Variants in TMEM132D observed in about 807,000 individuals in gnomAD.
TMEM132D encodes transmembrane protein 132D, also known as mature OL transmembrane protein.
In TMEM132D, 21 loss-of-function variants were observed where a neutral mutation model predicts 62.3. The ratio of observed to expected loss-of-function variants is 0.34; its 90% CI spans 0.24 to 0.49. The LOEUF (loss-of-function observed/expected upper bound fraction) is 0.49, where lower values mean the gene tolerates loss of function less well. Ranked by LOEUF, TMEM132D falls within the 20% of genes least tolerant of loss-of-function variation. TMEM132D has a pLI of 0.99. For missense variants in TMEM132D, 1,346 were observed against 1,402.8 expected, an observed-to-expected ratio of 0.96 and a Z score of 0.65; for synonymous variants, 621 against 575.6, an observed-to-expected ratio of 1.08 and a Z score of -1.13.
At chr12:129,412,777 C>T (rs1872005854) in intron 3 of TMEM132D, among the ~76,000 whole-genome samples, 1 of 152,130 alleles carries the variant, frequency 6.6e-6, no homozygotes. Flanking sequence ...CACTTGAACC[C>T]TGGAGGCAGA....
At chr12:129,268,978 A>G (rs988778028) in intron 4 of TMEM132D, among the ~76,000 whole-genome samples, 6 of 132,712 alleles carry the variant, frequency 4.5e-5, no homozygotes, top group African/African-American at 1.7e-4. Context: ...GTGAGAACAC[A>G]TGGACATAGG....
chr12:129,360,873 T>C (rs149832754), intron 3 of TMEM132D, among the ~76,000 whole-genome samples: 67 of 152,322 alleles, frequency 4.4e-4, no homozygotes, highest in African/African-American at 1.6e-3. Context: ...AGGTGGCTTG[T>C]TGAGCCTGTG....
chr12:129,760,382 A>C (rs1870322226), intron 1 of TMEM132D, among the ~76,000 whole-genome samples: 1 of 134,756 alleles, frequency 7.4e-6, no homozygotes, highest in Non-Finnish European at 1.5e-5. Context: ...CCCAGGCTAG[A>C]GTGCAGTGGC....
chr12:129,346,206 A>T (rs1220753853), intron 3 of TMEM132D, among the ~76,000 whole-genome samples: 2 of 151,706 alleles, frequency 1.3e-5, no homozygotes, highest in Non-Finnish European at 2.9e-5. Flanking sequence ...TTTCTTCTAG[A>T]TTTTCTAGTT....
intron 1 of TMEM132D, among the ~76,000 whole-genome samples, chr12:129,719,657 C>A (rs981141039): frequency 4.6e-5 from 7 of 152,212 alleles, no homozygotes; most frequent in Non-Finnish European, 1.0e-4. Flanking sequence ...GTAGCTGAGA[C>A]ACTTTGAAAA....
chr12:129,333,157 T>A (rs1037068242), intron 4 of TMEM132D, among the ~76,000 whole-genome samples: 5 of 152,168 alleles, frequency 3.3e-5, no homozygotes, highest in Admixed American at 6.5e-5. Flanking sequence ...TAAAACAACA[T>A]TGAGATATAA....
At chr12:129,793,010 C>T (rs2137299974) in intron 1 of TMEM132D, among the ~76,000 whole-genome samples, 1 of 152,040 alleles carries the variant, frequency 6.6e-6, no homozygotes, top group African/African-American at 2.4e-5. Context: ...CACATACATG[C>T]TGATGACTAT....
intron 2 of TMEM132D, among the ~76,000 whole-genome samples, chr12:129,644,236 CTG>C (rs1247553130): frequency 6.6e-6 from 1 of 152,214 alleles, no homozygotes; most frequent in Non-Finnish European, 1.5e-5. Context: ...ATTCCTGAGG[CTG>C]TGTCACGGGC....
chr12:129,240,952 C>T (rs1879920628), intron 4 of TMEM132D, among the ~76,000 whole-genome samples: 1 of 152,110 alleles, frequency 6.6e-6, no homozygotes, highest in Non-Finnish European at 1.5e-5. Context: ...CCAGTTTAGT[C>T]CAAACCTTTC....
chr12:129,418,734 A>T (rs1304179075), intron 3 of TMEM132D, among the ~76,000 whole-genome samples: 1 of 128,360 alleles, frequency 7.8e-6, no homozygotes. Flanking sequence ...TAATAATAAT[A>T]ATTAATAATA....
At chr12:129,366,438 G>T (rs546804076) in intron 3 of TMEM132D, among the ~76,000 whole-genome samples, 1 of 152,106 alleles carries the variant, frequency 6.6e-6, no homozygotes, top group East Asian at 1.9e-4. Context: ...CATGTGACAC[G>T]CCTGCTTCCC....
At chr12:129,133,193 T>A (rs1876431907) in intron 5 of TMEM132D, among the ~76,000 whole-genome samples, 1 of 149,716 alleles carries the variant, frequency 6.7e-6, no homozygotes, top group Non-Finnish European at 1.5e-5. Context: ...TAAGAACACC[T>A]AACATGAGAT....
chr12:129,178,433 G>GTTTTT (rs60615317), intron 5 of TMEM132D, among the ~76,000 whole-genome samples: 134 of 140,962 alleles, frequency 9.5e-4, no homozygotes, highest in African/African-American at 3.5e-3. Flanking sequence ...ACCAGCATCT[G>GTTTTT]TTTTTTTTTT....
intron 4 of TMEM132D, among the ~76,000 whole-genome samples, chr12:129,278,559 T>C (rs1177568122): frequency 6.6e-6 from 1 of 152,162 alleles, no homozygotes; most frequent in Non-Finnish European, 1.5e-5. Context: ...CTTGACTGTC[T>C]AGGGCCAAGA....
At chr12:129,854,624 C>G (rs561675120) in intron 1 of TMEM132D, 1 of 152,258 alleles carries the variant, frequency 6.6e-6, no homozygotes, top group African/African-American at 2.4e-5. Context: ...AAACTCTTTT[C>G]TCCCCACTGT....
At chr12:129,674,830 C>T (rs960100399) in intron 2 of TMEM132D, among the ~76,000 whole-genome samples, 5 of 152,148 alleles carry the variant, frequency 3.3e-5, no homozygotes, top group South Asian at 2.1e-4. Context: ...TGAGCCACCA[C>T]GCCTGGCTCG....
rs78839689 is a variant in TMEM132D, at chr12:129,363,059, G to C, written c.1116-25242C>G. ...TTCATACACTCCTTCCTCCATCTTT[G>C]TTTATTGTGTTAGTATTTTTAGAGA... is the stretch of plus-strand genomic sequence containing the variant. On this transcript the variant is annotated intron_variant, in intron 3 of 8. Transcript: ENST00000422113. Among the ~76,000 whole-genome samples the C allele has an allele frequency of 7.9e-3, 1,209 of 152,212 alleles. 21 individuals are homozygous for C. Among genetic ancestry groups the C allele is most frequent in the African/African-American group, 0.028 (1,149 of 41,526 alleles).
chr12:129,524,158 C>A (rs1156472457), intron 3 of TMEM132D, among the ~76,000 whole-genome samples: 3 of 151,622 alleles, frequency 2.0e-5, no homozygotes, highest in African/African-American at 4.9e-5. Context: ...GTGCAGCACA[C>A]CAGCATGGCC....
intron 2 of TMEM132D, among the ~76,000 whole-genome samples, chr12:129,579,244 A>C (rs1356752766): frequency 6.6e-6 from 1 of 152,246 alleles, no homozygotes; most frequent in Non-Finnish European, 1.5e-5. Flanking sequence ...GAAAGTTGAA[A>C]TCTCAATGAA....
Sources: allele counts gnomAD v4.1 joint callset (sites outside exome capture counted in the v4.1 genomes callset), GRCh38; gene constraint gnomAD v4.1.1; transcripts MANE v1.5; gene names NCBI Gene and HGNC (gene_info 2026-07-23, HGNC 2026-07-21).